GLRA3: variants seen among roughly 807,000 people sequenced by gnomAD.
GLRA3 encodes the protein glycine receptor subunit alpha-3.
Under a neutral mutation model 60.4 loss-of-function variants are expected in GLRA3, and 44 were observed. That is an observed-to-expected ratio of 0.73 (90% CI 0.57 to 0.94). The LOEUF is 0.94. Among genes scored for constraint, GLRA3 ranks in the 40% least tolerant of loss-of-function variants. The pLI is 0.00. For synonymous variants in GLRA3, 223 were observed against 192.9 expected, an observed-to-expected ratio of 1.16 and a Z score of -1.29; for missense variants, 508 against 564.6, an observed-to-expected ratio of 0.90 and a Z score of 1.02.
At chr4:174,795,358 C>T (rs1386607472) in intron 1 of GLRA3, among the ~76,000 whole-genome samples, 1 of 151,702 alleles carries the variant, frequency 6.6e-6, no homozygotes, top group African/African-American at 2.4e-5. Context: ...TTCTTTAATA[C>T]TGGAAATTAA....
intron 3 of GLRA3, among the ~76,000 whole-genome samples, chr4:174,744,639 T>C (rs1056788275): frequency 2.0e-5 from 3 of 152,216 alleles, no homozygotes; most frequent in Non-Finnish European, 2.9e-5. Flanking sequence ...AAACCATTGA[T>C]ACATATTCAG....
intron 1 of GLRA3, among the ~76,000 whole-genome samples, chr4:174,822,873 T>C (rs1366670004): frequency 6.6e-6 from 1 of 152,222 alleles, no homozygotes; most frequent in East Asian, 1.9e-4. Flanking sequence ...TACGAGGTAC[T>C]AGTAATACTT....
chr4:174,814,697 C>T (rs1740414153), intron 1 of GLRA3, among the ~76,000 whole-genome samples: 1 of 152,122 alleles, frequency 6.6e-6, no homozygotes, highest in African/African-American at 2.4e-5. Context: ...GGAAATTCCC[C>T]TTTTAAAACC....
chr4:174,769,196 C>A lies in GLRA3; in HGVS notation c.200-2166G>T, dbSNP rs76452750. On this transcript the variant is annotated intron_variant, in intron 2 of 9. Transcript: ENST00000274093. ...TCTTTTAGACACATCTTCTGATGCC[C>A]ACAAAGAAGATAAAGATTTAGCCTT... Among the ~76,000 whole-genome samples, 1,500 of 152,050 alleles carry A rather than the reference C, an allele frequency of 9.9e-3. 19 individuals carry two copies. Among genetic ancestry groups the A allele is most frequent in the African/African-American group, 0.033 (1,384 of 41,470 alleles).
At chr4:174,690,534 G>A (rs1734755193) in intron 5 of GLRA3, among the ~76,000 whole-genome samples, 1 of 152,028 alleles carries the variant, frequency 6.6e-6, no homozygotes, top group African/African-American at 2.4e-5. Flanking sequence ...AGGTTTGAGG[G>A]TACATTTGAA....
chr4:174,665,237 C>CTTTTTTTTTTTT (rs34499494), intron 7 of GLRA3, among the ~76,000 whole-genome samples: 2 of 127,488 alleles, frequency 1.6e-5, no homozygotes, highest in African/African-American at 3.0e-5. Context: ...TTTGTATTTA[C>CTTTTTTTTTTTT]TTTTTTTTTT....
At chr4:174,806,346 G>C (rs1185071911) in intron 1 of GLRA3, among the ~76,000 whole-genome samples, 1 of 152,002 alleles carries the variant, frequency 6.6e-6, no homozygotes, top group Non-Finnish European at 1.5e-5. Context: ...CATTCTTATA[G>C]AAGCAGAATG....
rs556922876 is a variant in GLRA3, at chr4:174,734,470, C to T, written c.268-5772G>A. Among the ~76,000 whole-genome samples the T allele has an allele frequency of 1.4e-4, 21 of 152,318 alleles. 1 individual carries two copies. Among genetic ancestry groups the T allele is most frequent in the African/African-American group, 5.1e-4 (21 of 41,568 alleles). On this transcript the variant is annotated intron_variant, in intron 3 of 9. Transcript: ENST00000274093. ...GAAAGTGCCTTTCAATTCTCAGTTA[C>T]TAAAGCAACAGGGAAGAAAGTCATT...
At chr4:174,802,136 C>T (rs1278693686) in intron 1 of GLRA3, among the ~76,000 whole-genome samples, 1 of 151,986 alleles carries the variant, frequency 6.6e-6, no homozygotes, top group African/African-American at 2.4e-5. Context: ...ACATGTTTGA[C>T]ACTAGAGAAG....
intron 1 of GLRA3, among the ~76,000 whole-genome samples, chr4:174,824,760 C>G (rs1037924958): frequency 3.3e-5 from 5 of 152,120 alleles, no homozygotes; most frequent in Non-Finnish European, 5.9e-5. Flanking sequence ...GTTGCGCTTC[C>G]TTATATTCCC....
At chr4:174,744,165 T>C (rs2111177246) in intron 3 of GLRA3, among the ~76,000 whole-genome samples, 1 of 152,356 alleles carries the variant, frequency 6.6e-6, no homozygotes, top group South Asian at 2.1e-4. Context: ...CAACCCAGCA[T>C]TGCAGCCACT....
intron 2 of GLRA3, among the ~76,000 whole-genome samples, chr4:174,775,370 A>C (rs1251862812): frequency 6.6e-6 from 1 of 152,208 alleles, no homozygotes; most frequent in Non-Finnish European, 1.5e-5. Context: ...ATGTTGTTGT[A>C]GAATAGAGTA....
chr4:174,795,112 C>T (rs1224013981), intron 1 of GLRA3, among the ~76,000 whole-genome samples: 1 of 151,538 alleles, frequency 6.6e-6, no homozygotes, highest in Non-Finnish European at 1.5e-5. Flanking sequence ...AAAATAGCTT[C>T]TGCTAATATA....
intron 4 of GLRA3, among the ~76,000 whole-genome samples, chr4:174,717,265 G>GGA (rs367818622): frequency 9.0e-5 from 12 of 133,370 alleles, no homozygotes; most frequent in East Asian, 6.8e-4. Context: ...AGGGAGGGAG[G>GGA]GAGAGAGAGA....
At chr4:174,715,687 C>A in intron 4 of GLRA3, 117 bp from the exon 5 acceptor site, 1 of 549,250 alleles carries the variant, frequency 1.8e-6, no homozygotes. Context: ...GTAAAAATTT[C>A]TCCAGCTTAT....
rs112410951 is a variant in GLRA3 at position 174,653,362 on chromosome 4, T to G, written c.1116+3381A>C. 1.4e-3 allele frequency among the ~76,000 whole-genome samples: 211 copies of G among 152,114 alleles called. 3 individuals carry two copies. Among genetic ancestry groups the G allele is most frequent in the African/African-American group, 4.9e-3 (203 of 41,560 alleles). On this transcript the variant is annotated intron_variant, in intron 9 of 9. Transcript: ENST00000274093. ...ATATCTACACACATTTTTATATCAT[T>G]TATAAATGGAAGGTCTAAAATAATG...
chr4:174,730,715 A>G (rs549113309), intron 3 of GLRA3, among the ~76,000 whole-genome samples: 1 of 152,326 alleles, frequency 6.6e-6, no homozygotes, highest in East Asian at 1.9e-4. Flanking sequence ...GATGTTTAGT[A>G]TCTTTCAGCT....
At chr4:174,781,605 A>G (rs1490628927) in intron 2 of GLRA3, among the ~76,000 whole-genome samples, 1 of 151,112 alleles carries the variant, frequency 6.6e-6, no homozygotes, top group East Asian at 1.9e-4. Flanking sequence ...AGAATCAAAT[A>G]GACGCAATAA....
At chr4:174,796,752 G>A (rs1320432903) in intron 1 of GLRA3, among the ~76,000 whole-genome samples, 2 of 152,032 alleles carry the variant, frequency 1.3e-5, no homozygotes, top group Non-Finnish European at 2.9e-5. Flanking sequence ...GGCCAAGATG[G>A]TCTGGATCTC....
Sources: allele counts gnomAD v4.1 joint callset (sites outside exome capture counted in the v4.1 genomes callset), GRCh38; gene constraint gnomAD v4.1.1; transcripts MANE v1.5; gene names NCBI Gene and HGNC (gene_info 2026-07-23, HGNC 2026-07-21).